H2BC18: variants seen among roughly 807,000 people sequenced by gnomAD.
The protein encoded by H2BC18 is histone H2B type 2-F.
In H2BC18, 8 loss-of-function variants were observed where a neutral mutation model predicts 6.3. That is an observed-to-expected ratio of 1.28 (90% CI 0.75 to 2.31). H2BC18 has a LOEUF of 2.31. Ranked by LOEUF, H2BC18 falls within the 30% of genes most tolerant of loss-of-function variation. The pLI, the probability that H2BC18 is intolerant of heterozygous loss-of-function variation, is 0.00. For synonymous variants in H2BC18, 104 were observed against 78.1 expected, an observed-to-expected ratio of 1.33 and a Z score of -1.75; for missense variants, 106 against 174.5, an observed-to-expected ratio of 0.61 and a Z score of 2.21.
chr1:149,788,757 A>G (rs1167312562), intron 1 of H2BC18: 2 of 885,448 alleles, frequency 2.3e-6, no homozygotes, highest in African/African-American at 3.4e-5. Context: ...AGGCCACACC[A>G]TGACCAGTAG....
At chr1:149,806,017 T>C (rs1411445805) in intron 1 of H2BC18, among the ~76,000 whole-genome samples, 1 of 152,008 alleles carries the variant, frequency 6.6e-6, no homozygotes, top group East Asian at 1.9e-4. Context: ...CCCCAGCCAG[T>C]GGAGAGGGTA....
intron 1 of H2BC18, chr1:149,791,666 T>G: frequency 1.5e-6 from 2 of 1,363,294 alleles, no homozygotes; most frequent in Non-Finnish European, 2.0e-6. Flanking sequence ...TGAACTGACT[T>G]CAACTGGGAT....
chr1:149,797,479 C>T (rs1186831947), intron 1 of H2BC18, among the ~76,000 whole-genome samples: 17 of 151,952 alleles, frequency 1.1e-4, no homozygotes, highest in Admixed American at 2.6e-4. Flanking sequence ...TCAGGGAACA[C>T]GGTGTTTGGT....
rs1559745935 is a variant in H2BC18, at chr1:149,789,421, G to GATAATAATA, written c.378-6162_378-6161insTATTATTAT. Among the ~76,000 whole-genome samples, 1,319 of 144,926 alleles carry GATAATAATA rather than the reference G, an allele frequency of 9.1e-3. 25 individuals carry two copies. Among genetic ancestry groups the GATAATAATA allele is most frequent in the African/African-American group, 0.036 (1,266 of 35,588 alleles). On this transcript the variant is annotated intron_variant, in intron 1 of 1. Coordinates refer to the H2BC18 transcript ENST00000545683. ...TAATAATAATAATAATAATAATAAT[G>GATAATAATA]ATGATAATAAAGTCACTGAAATGGC... is the stretch of plus-strand genomic sequence containing the variant.
At chr1:149,802,645 T>C (rs587641632) in intron 1 of H2BC18, among the ~76,000 whole-genome samples, 4 of 152,296 alleles carry the variant, frequency 2.6e-5, no homozygotes, top group East Asian at 1.9e-4. Context: ...GTCTGCAAGC[T>C]GAGGAAGAAA....
intron 1 of H2BC18, chr1:149,784,136 C>T (rs1553750516): frequency 6.2e-7 from 1 of 1,611,750 alleles, no homozygotes. Context: ...ATGGCACAGC[C>T]ACTCAGACCT....
At chr1:149,785,407 C>CCTTTTTTTT (rs1553750700) in intron 1 of H2BC18, among the ~76,000 whole-genome samples, 4 of 74,542 alleles carry the variant, frequency 5.4e-5, no homozygotes, top group Non-Finnish European at 8.8e-5. Context: ...AGAGCTGTTT[C>CCTTTTTTTT]GTTTTTTTTT....
intron 1 of H2BC18, chr1:149,787,126 C>G (rs2091573225): frequency 6.6e-6 from 1 of 152,222 alleles, no homozygotes; most frequent in Admixed American, 6.5e-5. Context: ...GCAGTGCAGT[C>G]TTTCAGCATC....
chr1:149,789,393 A>AAATAATAAT lies in H2BC18; in HGVS notation c.378-6142_378-6134dup, dbSNP rs781855250. Among the ~76,000 whole-genome samples, 520 of 148,820 alleles carry AAATAATAAT rather than the reference A, an allele frequency of 3.5e-3. 7 individuals carry two copies. Among genetic ancestry groups the AAATAATAAT allele is most frequent in the African/African-American group, 0.012 (460 of 39,552 alleles). ...GGGCAACAGAGCGAGACTACGTCTCAAATAATAATAATAATAATAATAATA... is the reference window on the plus strand; with the variant it reads ...GGGCAACAGAGCGAGACTACGTCTCAAATAATAATAATAATAATAATAATAATAATAATA... On this transcript the variant is annotated intron_variant, in intron 1 of 1. Transcript: ENST00000545683.
At chr1:149,811,597 G>C (rs1377381902), downstream of H2BC18, 2 of 304,642 alleles carry the variant, frequency 6.6e-6, no homozygotes, top group African/African-American at 4.3e-5. Flanking sequence ...CGACTTTAAA[G>C]ATACAGGTTA....
chr1:149,809,000 A>C (rs2091948467), downstream of H2BC18, among the ~76,000 whole-genome samples: 1 of 144,384 alleles, frequency 6.9e-6, no homozygotes, highest in Non-Finnish European at 1.5e-5. Flanking sequence ...TTGTCTAAAA[A>C]TTATGACATG....
intron 1 of H2BC18, among the ~76,000 whole-genome samples, chr1:149,803,282 G>A (rs1311367342): frequency 1.3e-5 from 2 of 152,060 alleles, no homozygotes; most frequent in Non-Finnish European, 2.9e-5. Context: ...AAAGGTGGGT[G>A]TGGGGAAATC....
intron 1 of H2BC18, chr1:149,784,274 C>T (rs1553750550): frequency 1.2e-6 from 2 of 1,609,944 alleles, no homozygotes; most frequent in African/African-American, 2.7e-5. Context: ...ATGACTTGGA[C>T]CAGGAGGGCC....
At chr1:149,789,437 C>A (rs1457611982) in intron 1 of H2BC18, among the ~76,000 whole-genome samples, 3 of 141,166 alleles carry the variant, frequency 2.1e-5, no homozygotes, top group Non-Finnish European at 3.1e-5. Flanking sequence ...AATAAAGTCA[C>A]TGAAATGGCA....
rs1311635416 is a variant in H2BC18, at chr1:149,791,216, C to G, written c.378-7956G>C. Reference sequence around the variant, plus strand: ...CTGGTCTCTAAATAGTATCTCTTCTCTTTGTCTTTTTCTGTTTCAGGCCTC... The same window carrying G: ...CTGGTCTCTAAATAGTATCTCTTCTGTTTGTCTTTTTCTGTTTCAGGCCTC... On this transcript the variant is annotated intron_variant, in intron 1 of 1. Coordinates refer to the H2BC18 transcript ENST00000545683. 2.0e-5 allele frequency: 31 copies of G among 1,582,492 alleles called. 2 individuals carry two copies. Among genetic ancestry groups the G allele is most frequent in the Non-Finnish European group, 2.7e-5 (31 of 1,165,008 alleles).
At chr1:149,784,380 T>C in intron 1 of H2BC18, 3 of 1,586,248 alleles carry the variant, frequency 1.9e-6, no homozygotes, top group Non-Finnish European at 2.6e-6. Flanking sequence ...ACTATGTACC[T>C]ACCAGGTGAA....
intron 1 of H2BC18, among the ~76,000 whole-genome samples, chr1:149,800,821 C>A (rs1467612583): frequency 1.3e-5 from 2 of 151,756 alleles, no homozygotes; most frequent in Non-Finnish European, 2.9e-5. Context: ...CATGGTGGTT[C>A]ACACCTGTAA....
intron 1 of H2BC18, among the ~76,000 whole-genome samples, chr1:149,797,673 C>T (rs587644724): frequency 6.6e-6 from 1 of 152,190 alleles, no homozygotes; most frequent in Non-Finnish European, 1.5e-5. Flanking sequence ...TCTCAACTCA[C>T]TGTAACCCTC....
rs587684701 is a variant in H2BC18 at position 149,811,920 on chromosome 1, T to C, written c.*23A>G. The stretch of plus-strand genomic sequence containing the variant: ...AGAGCCTTTGGGGTTAGGTGGTTGA[T>C]CTATTGCGTCCCTTGCACACTCTTA... On this transcript the variant is annotated 3_prime_UTR_variant, in exon 1 of 1. Coordinates refer to ENST00000369167, the MANE Select transcript of H2BC18 (RefSeq NM_001024599.5). 22 of 1,593,084 alleles carry C rather than the reference T, an allele frequency of 1.4e-5. No homozygotes were observed. The East Asian group carries it at 4.9e-4, about 36-fold the overall frequency.
Sources: gnomAD v4.1 joint callset for allele counts (sites outside exome capture counted in the v4.1 genomes callset) on GRCh38, gnomAD v4.1.1 for gene constraint, MANE v1.5 for transcripts, NCBI Gene and HGNC (gene_info 2026-07-23, HGNC 2026-07-21) for gene names.